The following LRRTM3 variants were observed in gnomAD, a reference collection of about 807,000 sequenced individuals.
The protein encoded by LRRTM3 is leucine-rich repeat transmembrane neuronal protein 3.
In LRRTM3, 24 loss-of-function variants were observed where a neutral mutation model predicts 44.7. The observed-to-expected ratio is 0.54, with a 90% CI of 0.39 to 0.76. The LOEUF is 0.76. Ranked by LOEUF, LRRTM3 falls within the 30% of genes least tolerant of loss-of-function variation. The pLI is 0.00. For missense variants in LRRTM3, 587 were observed against 702.2 expected, an observed-to-expected ratio of 0.84 and a Z score of 1.85; for synonymous variants, 277 against 278.7, an observed-to-expected ratio of 0.99 and a Z score of 0.06.
intron 2 of LRRTM3, among the ~76,000 whole-genome samples, chr10:67,031,508 T>TA (rs777582849): frequency 5.1e-4 from 77 of 152,170 alleles, no homozygotes; most frequent in Non-Finnish European, 8.2e-4. Context: ...TCCTGATAAT[T>TA]AAAAAGGAAT....
chr10:66,934,385 AT>A (rs937487803), intron 2 of LRRTM3, among the ~76,000 whole-genome samples: 16 of 152,170 alleles, frequency 1.1e-4, no homozygotes, highest in African/African-American at 3.4e-4. Flanking sequence ...TCACCAAAAA[AT>A]GTCTTCCTTT....
intron 2 of LRRTM3, among the ~76,000 whole-genome samples, chr10:66,986,616 GA>G (rs1045754822): frequency 7.4e-4 from 113 of 152,202 alleles, no homozygotes; most frequent in African/African-American, 2.7e-3. Flanking sequence ...GATACAAAAT[GA>G]TACCTCATTT....
In LRRTM3 at chr10:67,097,822, G is replaced by T. The variant is rs1180060944; in HGVS notation, c.*26G>T. 4 of 1,606,926 alleles carry T rather than the reference G, an allele frequency of 2.5e-6. No individual in the cohort carries two copies. In the Admixed American group the frequency reaches 6.7e-5, roughly 27 times the overall value. The stretch of plus-strand genomic sequence containing the variant: ...CTGAGATCATTGGTAGCCAGGGGTT[G>T]CTACCAAACTTTGTAACCTCAAGGA... On this transcript the variant is annotated 3_prime_UTR_variant, in exon 3 of 3. Coordinates refer to ENST00000361320, the MANE Select transcript of LRRTM3 (RefSeq NM_178011.5).
At chr10:67,089,951 A>T (rs1857532761) in intron 2 of LRRTM3, among the ~76,000 whole-genome samples, 1 of 152,088 alleles carries the variant, frequency 6.6e-6, no homozygotes, top group Admixed American at 6.6e-5. Context: ...TTACATAAAG[A>T]AAAAATTCAA....
At chr10:67,079,806 C>T (rs1856952012) in intron 2 of LRRTM3, among the ~76,000 whole-genome samples, 1 of 151,390 alleles carries the variant, frequency 6.6e-6, no homozygotes, top group South Asian at 2.1e-4. Context: ...TGAGATTGCA[C>T]CACTGAACTC....
At chr10:66,950,145 CT>C (rs1848465597) in intron 2 of LRRTM3, among the ~76,000 whole-genome samples, 1 of 152,140 alleles carries the variant, frequency 6.6e-6, no homozygotes, top group Non-Finnish European at 1.5e-5. Context: ...TGGAACATTG[CT>C]TTTTGACAAA....
At chr10:67,069,984 T>C (rs1269043609) in intron 2 of LRRTM3, among the ~76,000 whole-genome samples, 1 of 152,196 alleles carries the variant, frequency 6.6e-6, no homozygotes, top group African/African-American at 2.4e-5. Flanking sequence ...TCAAAATTTT[T>C]CCAAAGATGT....
chr10:66,948,398 T>G (rs1246899320), intron 2 of LRRTM3, among the ~76,000 whole-genome samples: 1 of 152,194 alleles, frequency 6.6e-6, no homozygotes, highest in East Asian at 1.9e-4. Context: ...AAGGATAGGA[T>G]AAAAGACAAA....
intron 2 of LRRTM3, among the ~76,000 whole-genome samples, chr10:66,966,249 A>G (rs1232228247): frequency 6.6e-6 from 1 of 152,184 alleles, no homozygotes; most frequent in Admixed American, 6.5e-5. Flanking sequence ...TTTAGGAAAA[A>G]TAAGTTCCTT....
chr10:67,083,877 G>A (rs573657840), intron 2 of LRRTM3, among the ~76,000 whole-genome samples: 2 of 152,062 alleles, frequency 1.3e-5, no homozygotes, highest in South Asian at 4.2e-4. Flanking sequence ...AGTAATCAAA[G>A]CAAAATTTAA....
intron 2 of LRRTM3, among the ~76,000 whole-genome samples, chr10:67,026,911 T>C (rs1221549339): frequency 6.6e-6 from 1 of 152,218 alleles, no homozygotes; most frequent in Non-Finnish European, 1.5e-5. Flanking sequence ...TAAGATCACA[T>C]TAAAATAGAA....
rs145104635 is a variant in LRRTM3 at position 67,092,142 on chromosome 10, T to C, written c.1537-5445T>C. Among the ~76,000 whole-genome samples, 379 of 152,154 alleles carry C rather than the reference T, an allele frequency of 2.5e-3. 4 individuals are homozygous for C. Among genetic ancestry groups the C allele is most frequent in the African/African-American group, 8.0e-3 (333 of 41,552 alleles). On this transcript the variant is annotated intron_variant, in intron 2 of 2. Transcript: ENST00000361320. ...TCATTAAGAAGTCTGTTTCTTTCAC[T>C]GTATGCAGATGATCAAAAATGATAT...
At chr10:66,936,461 T>G (rs1039330989) in intron 2 of LRRTM3, among the ~76,000 whole-genome samples, 1 of 152,104 alleles carries the variant, frequency 6.6e-6, no homozygotes, top group Non-Finnish European at 1.5e-5. Flanking sequence ...TTTCCTGGTG[T>G]TTTTTTGTTT....
Position 66,984,080 on chromosome 10 carries a change from G to C in LRRTM3, c.1536+55628G>C, listed in dbSNP as rs557847428. On this transcript the variant is annotated intron_variant, in intron 2 of 2. Coordinates refer to ENST00000361320, the MANE Select transcript of LRRTM3 (RefSeq NM_178011.5). ...CTCATCTGTTTACACTAGAGCCTGT[G>C]TTCATTCCATCAGTAAATAGTTATT... 3.3e-5 allele frequency among the ~76,000 whole-genome samples: 5 copies of C among 152,250 alleles called. No homozygotes were observed. In the East Asian group the frequency reaches 9.7e-4, roughly 29 times the overall value.
chr10:67,079,143 C>T (rs576773723), intron 2 of LRRTM3, among the ~76,000 whole-genome samples: 6 of 152,252 alleles, frequency 3.9e-5, no homozygotes, highest in Admixed American at 3.3e-4. Flanking sequence ...TTTGCATTCC[C>T]CTTTTGGTTT....
chr10:67,068,663 T>G (rs2131840015), intron 2 of LRRTM3, among the ~76,000 whole-genome samples: 1 of 149,556 alleles, frequency 6.7e-6, no homozygotes, highest in Non-Finnish European at 1.5e-5. Flanking sequence ...GGGGAGAGAG[T>G]TTTAATAAAA....
At chr10:66,995,192 C>T (rs371157805) in intron 2 of LRRTM3, among the ~76,000 whole-genome samples, 3 of 152,272 alleles carry the variant, frequency 2.0e-5, no homozygotes, top group East Asian at 3.9e-4. Context: ...TACTCTCCTC[C>T]TTTTGTATTT....
intron 2 of LRRTM3, among the ~76,000 whole-genome samples, chr10:67,055,789 A>C (rs1855392967): frequency 6.6e-6 from 1 of 152,118 alleles, no homozygotes; most frequent in South Asian, 2.1e-4. Context: ...AAAAGCCATA[A>C]GGATATCAGG....
At chr10:67,063,522 A>G (rs1855885644) in intron 2 of LRRTM3, among the ~76,000 whole-genome samples, 1 of 152,218 alleles carries the variant, frequency 6.6e-6, no homozygotes, top group African/African-American at 2.4e-5. Context: ...TAGAGGACCT[A>G]CCAGGTTTAA....
Sources: allele counts gnomAD v4.1 joint callset (sites outside exome capture counted in the v4.1 genomes callset), GRCh38; gene constraint gnomAD v4.1.1; transcripts MANE v1.5; gene names NCBI Gene and HGNC (gene_info 2026-07-23, HGNC 2026-07-21).